Variants in DNAH12 observed in about 807,000 individuals in gnomAD.
The protein encoded by DNAH12 is axonemal beta dynein heavy chain 12.
Under a neutral mutation model 371.5 loss-of-function variants are expected in DNAH12, and 285 were observed. The ratio of observed to expected loss-of-function variants is 0.77; its 90% CI spans 0.70 to 0.85. The LOEUF (loss-of-function observed/expected upper bound fraction) is 0.85, where lower values mean the gene tolerates loss of function less well. Among genes scored for constraint, DNAH12 ranks in the 40% least tolerant of loss-of-function variants. The pLI, the probability that DNAH12 is intolerant of heterozygous loss-of-function variation, is 0.00. For synonymous variants in DNAH12, 1,200 were observed against 1,213.0 expected, an observed-to-expected ratio of 0.99 and a Z score of 0.22; for missense variants, 3,611 against 3,689.4, an observed-to-expected ratio of 0.98 and a Z score of 0.55.
chr3:57,462,680 T>A lies in DNAH12; in HGVS notation c.2535+10A>T. On this transcript the variant is annotated intron_variant, in intron 18 of 73. Coordinates refer to ENST00000495027, the MANE Select transcript of DNAH12 (RefSeq NM_001366028.2). ...TCACATAAAGTATTTCAGTTGATCT[T>A]TATGTTTACCTTGCTTGCACCTGCA... The A allele has an allele frequency of 6.5e-7, 1 of 1,542,636 alleles. No homozygotes were observed. The highest frequency in any genetic ancestry group is 8.7e-7 in the Non-Finnish European group (1 of 1,143,756).
chr3:57,543,798 G>A (rs944625807), intron 1 of DNAH12, among the ~76,000 whole-genome samples: 1 of 151,710 alleles, frequency 6.6e-6, no homozygotes, highest in Non-Finnish European at 1.5e-5. Context: ...TGTAATCCCA[G>A]CACTTTGGGA....
intron 55 of DNAH12, among the ~76,000 whole-genome samples, chr3:57,369,459 TC>T (rs1226178835): frequency 1.3e-5 from 2 of 151,218 alleles, no homozygotes; most frequent in African/African-American, 4.8e-5. Flanking sequence ...AGGGCTAAAA[TC>T]CCCTTTCCCT....
At chr3:57,371,965 A>AAAAAAAT (rs1366790985) in intron 55 of DNAH12, among the ~76,000 whole-genome samples, 1 of 142,578 alleles carries the variant, frequency 7.0e-6, no homozygotes, top group African/African-American at 2.6e-5. Context: ...AAAAAAAAAA[A>AAAAAAAT]TTCTTTCAAA....
At chr3:57,362,337 G>A (rs2062955971) in intron 58 of DNAH12, among the ~76,000 whole-genome samples, 1 of 152,182 alleles carries the variant, frequency 6.6e-6, no homozygotes, top group Admixed American at 6.5e-5. Context: ...ACGTGTGCAT[G>A]TGTCTTTATA....
chr3:57,418,093 A>C (rs1355878029), intron 37 of DNAH12, among the ~76,000 whole-genome samples: 4 of 152,048 alleles, frequency 2.6e-5, no homozygotes, highest in Admixed American at 2.6e-4. Context: ...CAGAGGTTGC[A>C]GTGAGCAGAG....
chr3:57,487,387 AAGAG>A (rs1440423826), intron 12 of DNAH12, among the ~76,000 whole-genome samples: 23 of 135,410 alleles, frequency 1.7e-4, no homozygotes, highest in Non-Finnish European at 1.7e-4. Flanking sequence ...AAAAAAAAGA[AAGAG>A]AAAGAAAGAA....
Position 57,428,751 on chromosome 3 carries a change from G to A in DNAH12, c.5135C>T (p.Ser1712Phe), listed in dbSNP as rs1466475616. 1 of 1,551,484 alleles carries A rather than the reference G, an allele frequency of 6.4e-7. No homozygotes were observed. The highest frequency in any genetic ancestry group is 1.2e-5 in the South Asian group (1 of 84,004). Residue 1712 changes from serine (S) to phenylalanine (F), a missense_variant, in exon 34 of 74, where the codon TCT becomes TTT. Ser to Phe is a radical substitution (Grantham distance 155). This residue lies in a region of DNAH12 where 2,266 missense variants were observed against 2,236.9 expected (regional missense o/e 1.01). Coordinates refer to ENST00000495027, the MANE Select transcript of DNAH12 (RefSeq NM_001366028.2). ...TCCTTTCAGTGAATTCAACCAAGAAGACACAAGTGGTTCCCATCCTAACTG... is the reference window on the plus strand; with the variant it reads ...TCCTTTCAGTGAATTCAACCAAGAAAACACAAGTGGTTCCCATCCTAACTG... ...PSQLGWEPLV[S>F]SWLNSLKGPL...
At chr3:57,297,054 C>T in intron 70 of DNAH12, 70 bp from the exon 71 acceptor site, 1 of 1,513,960 alleles carries the variant, frequency 6.6e-7, no homozygotes, top group East Asian at 2.5e-5. Context: ...ATGTACAATT[C>T]CTGATTCTGG....
chr3:57,528,804 TTC>T (rs2068739120), intron 2 of DNAH12, among the ~76,000 whole-genome samples: 2 of 151,814 alleles, frequency 1.3e-5, no homozygotes, highest in Admixed American at 1.3e-4. Context: ...GATTTTCAAT[TTC>T]TTTTTTTTTG....
Position 57,357,311 on chromosome 3 carries a change from C to G in DNAH12, c.9398G>C (p.Arg3133Pro), listed in dbSNP as rs1484984542. The change falls in exon 59 of 74, where the codon CGA becomes CCA. Residue 3133 changes from arginine (R) to proline (P), a missense_variant. Arg to Pro is a moderately radical substitution (Grantham distance 103). Coordinates refer to ENST00000495027, the MANE Select transcript of DNAH12 (RefSeq NM_001366028.2). ...EKTELKIAESREGYRPIAKHS... is the reference protein window; with the variant it reads ...EKTELKIAESPEGYRPIAKHS... ...TTTGGCGATGGGTCTATAGCCTTCT[C>G]GAGACTCTGCTATTTTGAGTTCTGT... The G allele has an allele frequency of 6.6e-6, 1 of 151,932 alleles. No individual in the cohort carries two copies. The highest frequency in any genetic ancestry group is 1.9e-4 in the East Asian group (1 of 5,194). The allele number at this position is 151,932 out of a possible 1,614,324, so 9.4% of individuals were successfully genotyped here. A position where few individuals can be genotyped will look rare whatever the true frequency, so the allele number is the denominator to read the frequency against.
chr3:57,520,114 TTTTCC>T (rs1225241329), intron 4 of DNAH12: 1 of 475,458 alleles, frequency 2.1e-6, no homozygotes, highest in African/African-American at 2.0e-5. Flanking sequence ...ACCTATTTTC[TTTTCC>T]TTTCTTTTTT....
At chr3:57,337,033 A>G (rs930282120) in intron 60 of DNAH12, among the ~76,000 whole-genome samples, 2 of 152,226 alleles carry the variant, frequency 1.3e-5, no homozygotes, top group Non-Finnish European at 2.9e-5. Flanking sequence ...AAAGACAGAG[A>G]CTGACAGTAA....
At position 57,340,992 on chromosome 3, in the gene DNAH12, C is replaced by T. The variant is rs191332998; in HGVS notation, c.9675-6052G>A. 2.9e-3 allele frequency among the ~76,000 whole-genome samples: 439 copies of T among 152,282 alleles called. 1 individual carries two copies. The highest frequency in any genetic ancestry group is 0.01 in the African/African-American group (419 of 41,558). On this transcript the variant is annotated intron_variant, in intron 60 of 73. Transcript: ENST00000495027. Reference sequence around the variant, plus strand: ...GGATGCAAGGATTATTCAACCTACACAAATAATGTGAGACATCACAACAGA... The same window carrying T: ...GGATGCAAGGATTATTCAACCTACATAAATAATGTGAGACATCACAACAGA...
At chr3:57,352,855 G>A (rs1019813284) in intron 59 of DNAH12, among the ~76,000 whole-genome samples, 2 of 152,070 alleles carry the variant, frequency 1.3e-5, no homozygotes, top group African/African-American at 2.4e-5. Context: ...TTAGGAGGCC[G>A]AGGTGGGTGG....
At chr3:57,462,388 A>T (rs577045660) in intron 18 of DNAH12, among the ~76,000 whole-genome samples, 18 of 152,156 alleles carry the variant, frequency 1.2e-4, no homozygotes, top group African/African-American at 3.9e-4. Context: ...AGTAGCTGGG[A>T]TTACAGGCAC....
intron 29 of DNAH12, among the ~76,000 whole-genome samples, chr3:57,442,644 A>G (rs1398765988): frequency 1.3e-5 from 2 of 152,226 alleles, no homozygotes; most frequent in Non-Finnish European, 2.9e-5. Flanking sequence ...TATTTTTCCA[A>G]CTGGAATCTA....
At chr3:57,446,007 AAAT>A in intron 27 of DNAH12, 21 bp downstream of exon 27, 2 of 1,436,122 alleles carry the variant, frequency 1.4e-6, no homozygotes, top group Non-Finnish European at 1.8e-6. Flanking sequence ...ATAAATAAAT[AAAT>A]AAATAAATAA....
intron 11 of DNAH12, among the ~76,000 whole-genome samples, chr3:57,499,647 A>AATATATATATATATATAT (rs1176721728): frequency 1.9e-3 from 34 of 17,938 alleles, no homozygotes; most frequent in Non-Finnish European, 3.0e-3. Flanking sequence ...AAAAAAAAAA[A>AATATATATATATATATAT]ATATATATAT....
intron 60 of DNAH12, among the ~76,000 whole-genome samples, chr3:57,345,889 A>C (rs1352637166): frequency 6.6e-6 from 1 of 152,152 alleles, no homozygotes; most frequent in Non-Finnish European, 1.5e-5. Flanking sequence ...ATTTCTGGCT[A>C]GGCAGTTCAT....
Sources: allele counts gnomAD v4.1 joint callset (sites outside exome capture counted in the v4.1 genomes callset), GRCh38; gene constraint gnomAD v4.1.1; regional missense constraint gnomAD v4.1.1; transcripts MANE v1.5; gene names NCBI Gene and HGNC (gene_info 2026-07-23, HGNC 2026-07-21).